The following ADAMTS18 variants were observed in gnomAD, a reference collection of about 807,000 sequenced individuals.
The protein encoded by ADAMTS18 is ADAM metallopeptidase with thrombospondin type 1 motif 18, also known as A disintegrin and metalloproteinase with thrombospondin motifs 18.
In ADAMTS18, 157 loss-of-function variants were observed where a neutral mutation model predicts 165.9. That is an observed-to-expected ratio of 0.95 (90% CI 0.83 to 1.08). The LOEUF (loss-of-function observed/expected upper bound fraction) is 1.08. Ranked by LOEUF, ADAMTS18 falls within the 50% of genes least tolerant of loss-of-function variation. The probability of loss-of-function intolerance (pLI) is 0.00; values close to 1 mark genes in which losing one functional copy is unlikely to be tolerated. For synonymous variants in ADAMTS18, 782 were observed against 578.2 expected, an observed-to-expected ratio of 1.35 and a Z score of -5.06; for missense variants, 2,040 against 1,534.0, an observed-to-expected ratio of 1.33 and a Z score of -5.51.
rs189141808 is a variant in ADAMTS18 at position 77,430,369 on chromosome 16, C to T, written c.495+926G>A. 3.9e-5 allele frequency among the ~76,000 whole-genome samples: 6 copies of T among 152,278 alleles called. No homozygotes were observed. The East Asian group carries it at 1.2e-3, about 29-fold the overall frequency. On this transcript the variant is annotated intron_variant, in intron 3 of 22. Coordinates refer to ENST00000282849, the MANE Select transcript of ADAMTS18 (RefSeq NM_199355.4). ...AAAATTAAAAAGTAACTGAAAGTTTCAACTAACAAAGAACATGGGAGTCCG... is the reference window on the plus strand; with the variant it reads ...AAAATTAAAAAGTAACTGAAAGTTTTAACTAACAAAGAACATGGGAGTCCG...
At chr16:77,425,810 A>G (rs1321094385) in intron 3 of ADAMTS18, among the ~76,000 whole-genome samples, 1 of 152,144 alleles carries the variant, frequency 6.6e-6, no homozygotes, top group Non-Finnish European at 1.5e-5. Flanking sequence ...TGGGAGGCTG[A>G]GGTAGGCAGA....
At chr16:77,318,693 C>T (rs559336598) in intron 16 of ADAMTS18, among the ~76,000 whole-genome samples, 15 of 152,312 alleles carry the variant, frequency 9.8e-5, no homozygotes, top group South Asian at 4.1e-4. Context: ...GTGGAAAAGA[C>T]TCTGACTCCA....
chr16:77,358,112 C>T (rs1374110877), intron 8 of ADAMTS18, among the ~76,000 whole-genome samples: 3 of 152,126 alleles, frequency 2.0e-5, no homozygotes, highest in Non-Finnish European at 4.4e-5. Flanking sequence ...TGAGCATTTT[C>T]GCTTCTCCAT....
chr16:77,376,981 G>C (rs1055799646), intron 3 of ADAMTS18, among the ~76,000 whole-genome samples: 1 of 151,826 alleles, frequency 6.6e-6, no homozygotes, highest in Admixed American at 6.6e-5. Context: ...CTCTCGGCTA[G>C]GTTTTGTATT....
At chr16:77,425,016 A>C (rs1233079001) in intron 3 of ADAMTS18, among the ~76,000 whole-genome samples, 2 of 152,238 alleles carry the variant, frequency 1.3e-5, no homozygotes, top group African/African-American at 4.8e-5. Context: ...AGTGACCAGC[A>C]ACAGACAACT....
At chr16:77,430,439 G>A (rs2057725120) in intron 3 of ADAMTS18, among the ~76,000 whole-genome samples, 2 of 152,188 alleles carry the variant, frequency 1.3e-5, no homozygotes, top group Non-Finnish European at 1.5e-5. Context: ...GTGCCATGAT[G>A]TACCATGTAC....
intron 9 of ADAMTS18, among the ~76,000 whole-genome samples, chr16:77,354,483 G>T (rs1320991221): frequency 6.6e-6 from 1 of 152,038 alleles, no homozygotes; most frequent in African/African-American, 2.4e-5. Context: ...GACTTGTTGA[G>T]AGCAAAAATC....
intron 3 of ADAMTS18, among the ~76,000 whole-genome samples, chr16:77,407,462 C>T (rs925083536): frequency 5.9e-5 from 9 of 151,930 alleles, no homozygotes; most frequent in South Asian, 2.1e-4. Flanking sequence ...GGCAAACTAA[C>T]GCTAAAATGC....
chr16:77,332,033 C>T (rs1035420683), intron 12 of ADAMTS18, among the ~76,000 whole-genome samples: 50 of 152,170 alleles, frequency 3.3e-4, no homozygotes, highest in African/African-American at 1.2e-3. Context: ...AGACCCTCTT[C>T]TAAAGCACTT....
At chr16:77,346,571 C>G (rs528520663) in intron 10 of ADAMTS18, among the ~76,000 whole-genome samples, 3 of 152,080 alleles carry the variant, frequency 2.0e-5, no homozygotes, top group African/African-American at 7.2e-5. Context: ...TCATTGTGGC[C>G]ACATGACGAA....
chr16:77,414,828 A>G (rs140593677), intron 3 of ADAMTS18, among the ~76,000 whole-genome samples: 54 of 152,346 alleles, frequency 3.5e-4, no homozygotes, highest in Admixed American at 2.0e-3. Flanking sequence ...ATTACCCCAC[A>G]TGTCATCATC....
intron 9 of ADAMTS18, 76 bp from the exon 10 acceptor site, chr16:77,353,962 T>C (rs777347009): frequency 3.2e-6 from 5 of 1,554,222 alleles, no homozygotes; most frequent in Non-Finnish European, 4.4e-6. Flanking sequence ...CACTTCTGAA[T>C]GCATTCATGC....
chr16:77,335,690 A>T, intron 12 of ADAMTS18, 66 bp downstream of exon 12: 1 of 1,596,472 alleles, frequency 6.3e-7, no homozygotes, highest in East Asian at 2.2e-5. Context: ...ATGAACAAGA[A>T]AAACCAGCGT....
Position 77,400,751 on chromosome 16 carries a change from G to A in ADAMTS18, c.495+30544C>T, listed in dbSNP as rs930204086. The stretch of plus-strand genomic sequence containing the variant: ...CCCAAAGTGCTGGGATTACAGGAGT[G>A]AGCCACCACGCCTGGCCTCTCTGTG... On this transcript the variant is annotated intron_variant, in intron 3 of 22. Coordinates refer to ENST00000282849, the MANE Select transcript of ADAMTS18 (RefSeq NM_199355.4). 2.6e-5 allele frequency among the ~76,000 whole-genome samples: 4 copies of A among 151,744 alleles called. No homozygotes were observed. In the East Asian group the frequency reaches 5.8e-4, roughly 22 times the overall value.
intron 11 of ADAMTS18, among the ~76,000 whole-genome samples, chr16:77,336,849 G>C (rs1391815791): frequency 4.6e-5 from 7 of 152,168 alleles, no homozygotes; most frequent in Non-Finnish European, 1.0e-4. Flanking sequence ...AGAAAGTTCT[G>C]CATGACTTAG....
chr16:77,386,123 C>T (rs190960526), intron 3 of ADAMTS18, among the ~76,000 whole-genome samples: 2 of 152,212 alleles, frequency 1.3e-5, no homozygotes, highest in East Asian at 3.9e-4. Flanking sequence ...TGTAACTTGC[C>T]GTGATACAAA....
chr16:77,393,021 T>C (rs2057210129), intron 3 of ADAMTS18, among the ~76,000 whole-genome samples: 1 of 152,056 alleles, frequency 6.6e-6, no homozygotes, highest in Admixed American at 6.6e-5. Context: ...CAGGAATCGA[T>C]GGGTACCATC....
chr16:77,420,003 A>G (rs975017917), intron 3 of ADAMTS18, among the ~76,000 whole-genome samples: 4 of 20,470 alleles, frequency 2.0e-4, no homozygotes, highest in African/African-American at 4.8e-4. Flanking sequence ...GTCGCAGATT[A>G]AAAAAAAAAA....
At chr16:77,386,410 C>T (rs2057108302) in intron 3 of ADAMTS18, among the ~76,000 whole-genome samples, 1 of 152,174 alleles carries the variant, frequency 6.6e-6, no homozygotes, top group Non-Finnish European at 1.5e-5. Flanking sequence ...TTGTTTGTTC[C>T]TCTCTGTGCT....
Sources: gnomAD v4.1 joint callset for allele counts (sites outside exome capture counted in the v4.1 genomes callset) on GRCh38, gnomAD v4.1.1 for gene constraint, MANE v1.5 for transcripts, NCBI Gene and HGNC (gene_info 2026-07-23, HGNC 2026-07-21) for gene names.